The following ITGBL1 variants were observed in gnomAD, a reference collection of about 807,000 sequenced individuals.
The protein encoded by ITGBL1 is integrin subunit beta like 1.
ITGBL1 carries 51 observed loss-of-function variants against 68.5 expected under a neutral mutation model. That is an observed-to-expected ratio of 0.74 (90% CI 0.59 to 0.94). The LOEUF (loss-of-function observed/expected upper bound fraction) is 0.94, where lower values mean the gene tolerates loss of function less well. Among genes scored for constraint, ITGBL1 ranks in the 40% least tolerant of loss-of-function variants. ITGBL1 has a pLI of 0.00. For synonymous variants in ITGBL1, 209 were observed against 227.3 expected (o/e 0.92, Z 0.72); for missense variants, 649 against 647.4 (o/e 1.00, Z -0.03).
intron 2 of ITGBL1, among the ~76,000 whole-genome samples, chr13:101,493,375 G>C (rs761124653): frequency 1.3e-5 from 2 of 151,858 alleles, no homozygotes; most frequent in Non-Finnish European, 2.9e-5. Flanking sequence ...CGATTACATA[G>C]TTTTAATAAT....
chr13:101,583,260 A>G lies in ITGBL1; in HGVS notation c.772A>G (p.Thr258Ala). Residue 258 changes from threonine to alanine, a missense_variant, in exon 6 of 11, where the codon ACT becomes GCT. Transcript: ENST00000376180. The part of the protein sequence containing the change: ...GECTCHDVDP[T>A]GDWGDIHGDT... ...ATGTACCTGTCACGATGTTGATCCG[A>G]CTGGGGACTGGGGAGATATTCATGG... 6.2e-7 allele frequency: 1 copy of G among 1,613,680 alleles called. No individual in the cohort carries two copies. The highest frequency in any genetic ancestry group is 1.3e-5 in the African/African-American group (1 of 74,982).
intron 2 of ITGBL1, among the ~76,000 whole-genome samples, chr13:101,459,913 G>A (rs766955164): frequency 6.6e-6 from 1 of 151,652 alleles, no homozygotes; most frequent in African/African-American, 2.4e-5. Context: ...TTTATACTAC[G>A]AAGTAAGTAG....
intron 7 of ITGBL1, among the ~76,000 whole-genome samples, chr13:101,611,857 T>A (rs2031143501): frequency 2.0e-5 from 3 of 152,184 alleles, no homozygotes; most frequent in Admixed American, 2.0e-4. Context: ...CTGACATACC[T>A]TCATAGCAGA....
chr13:101,457,864 G>A (rs2048266522), intron 2 of ITGBL1, among the ~76,000 whole-genome samples: 1 of 152,056 alleles, frequency 6.6e-6, no homozygotes, highest in African/African-American at 2.4e-5. Context: ...TGATTGCATG[G>A]AAAGAAACTT....
At chr13:101,470,013 A>G (rs549874151) in intron 2 of ITGBL1, among the ~76,000 whole-genome samples, 1 of 152,290 alleles carries the variant, frequency 6.6e-6, no homozygotes, top group Non-Finnish European at 1.5e-5. Context: ...CTTATTAAAC[A>G]TCTCCAGAAG....
chr13:101,636,611 C>G (rs1594945008), intron 7 of ITGBL1, among the ~76,000 whole-genome samples: 1 of 152,210 alleles, frequency 6.6e-6, no homozygotes, highest in Middle Eastern at 3.4e-3. Flanking sequence ...GTTGGAGACA[C>G]CAAGTTCTAC....
intron 7 of ITGBL1, among the ~76,000 whole-genome samples, chr13:101,687,426 A>C (rs1418440750): frequency 1.3e-5 from 2 of 151,958 alleles, no homozygotes; most frequent in Non-Finnish European, 2.9e-5. Context: ...GATTTAAATT[A>C]AGAGTTTTTA....
At chr13:101,608,485 G>T (rs1172715745) in intron 7 of ITGBL1, among the ~76,000 whole-genome samples, 1 of 151,806 alleles carries the variant, frequency 6.6e-6, no homozygotes, top group Non-Finnish European at 1.5e-5. Flanking sequence ...GGAACAAAGA[G>T]AAAGTTTAAA....
Position 101,454,114 on chromosome 13 carries a change from G to T in ITGBL1, c.316+14G>T, listed in dbSNP as rs753177563. 12 of 1,516,382 alleles carry T rather than the reference G, an allele frequency of 7.9e-6. No homozygotes were observed. Among genetic ancestry groups the T allele is most frequent in the South Asian group, 5.1e-5 (4 of 77,916 alleles). 93.9% of individuals were successfully genotyped at this position (1,516,382 alleles called of 1,614,324 possible). A position where few individuals can be genotyped will look rare whatever the true frequency, so the allele number is the denominator to read the frequency against. ...GCACCTGTGCAGGTAAGAGGGCGGC[G>T]CTGTCTCCTCCCTCGGGAGGTCGAA... On this transcript the variant is annotated intron_variant, in intron 2 of 10. Transcript: ENST00000376180.
intron 9 of ITGBL1, among the ~76,000 whole-genome samples, chr13:101,707,864 A>G (rs1386936410): frequency 6.6e-6 from 1 of 151,798 alleles, no homozygotes; most frequent in African/African-American, 2.4e-5. Context: ...CAGAAAAAAA[A>G]AAAAAAAAGG....
intron 6 of ITGBL1, among the ~76,000 whole-genome samples, chr13:101,584,965 C>A (rs529110064): frequency 3.3e-5 from 5 of 151,802 alleles, no homozygotes; most frequent in African/African-American, 1.2e-4. Context: ...ATGAGAGGGG[C>A]ATTCCAAGCA....
intron 6 of ITGBL1, among the ~76,000 whole-genome samples, chr13:101,596,778 A>C (rs2029997403): frequency 6.6e-6 from 1 of 152,188 alleles, no homozygotes; most frequent in Non-Finnish European, 1.5e-5. Flanking sequence ...TCCATAGAGG[A>C]ATCTTAGATG....
intron 2 of ITGBL1, among the ~76,000 whole-genome samples, chr13:101,488,531 C>T (rs1163174476): frequency 1.3e-5 from 2 of 152,206 alleles, no homozygotes; most frequent in East Asian, 3.9e-4. Context: ...AGCTGACTGT[C>T]AACTTTAACT....
intron 2 of ITGBL1, among the ~76,000 whole-genome samples, chr13:101,459,994 G>A (rs974706323): frequency 6.6e-6 from 1 of 152,014 alleles, no homozygotes; most frequent in Non-Finnish European, 1.5e-5. Context: ...AGGACTGTTC[G>A]ACTTGCCTTT....
chr13:101,528,984 A>G (rs891101556), intron 2 of ITGBL1, among the ~76,000 whole-genome samples: 2 of 152,048 alleles, frequency 1.3e-5, no homozygotes, highest in African/African-American at 4.8e-5. Flanking sequence ...AAAACATGGA[A>G]TAACATTATA....
At chr13:101,543,840 C>A (rs1241693518) in intron 2 of ITGBL1, among the ~76,000 whole-genome samples, 1 of 152,192 alleles carries the variant, frequency 6.6e-6, no homozygotes, top group Non-Finnish European at 1.5e-5. Flanking sequence ...TCCAGTTGAT[C>A]AAATCGGCTA....
chr13:101,537,531 T>C (rs142455858), intron 2 of ITGBL1, among the ~76,000 whole-genome samples: 3 of 152,154 alleles, frequency 2.0e-5, no homozygotes, highest in African/African-American at 7.2e-5. Flanking sequence ...AAAGTGTACA[T>C]TTTAAATGAC....
At chr13:101,693,280 ACATTATTCTT>A (rs1174341056) in intron 8 of ITGBL1, among the ~76,000 whole-genome samples, 1 of 152,196 alleles carries the variant, frequency 6.6e-6, no homozygotes, top group African/African-American at 2.4e-5. Context: ...ATGTGGGTCA[ACATTATTCTT>A]GCATTGCATT....
At chr13:101,542,209 C>G (rs1182035288) in intron 2 of ITGBL1, among the ~76,000 whole-genome samples, 1 of 152,196 alleles carries the variant, frequency 6.6e-6, no homozygotes, top group African/African-American at 2.4e-5. Context: ...ATAAATTTCC[C>G]TGTACACACT....
Sources: gnomAD v4.1 joint callset for allele counts (sites outside exome capture counted in the v4.1 genomes callset) on GRCh38, gnomAD v4.1.1 for gene constraint, MANE v1.5 for transcripts, NCBI Gene and HGNC (gene_info 2026-07-23, HGNC 2026-07-21) for gene names.